Variants in CAMTA1 observed in about 807,000 individuals in gnomAD.
The protein encoded by CAMTA1 is calmodulin binding transcription activator 1, also known as calmodulin-binding transcription activator 1.
CAMTA1 carries 27 observed loss-of-function variants against 170.9 expected under a neutral mutation model. The ratio of observed to expected loss-of-function variants is 0.16; its 90% CI spans 0.12 to 0.22. CAMTA1 has a LOEUF of 0.22. Among genes scored for constraint, CAMTA1 ranks in the 10% least tolerant of loss-of-function variants. CAMTA1 has a pLI of 1.00. For synonymous variants in CAMTA1, 833 were observed against 891.5 expected (o/e 0.93, Z 1.17); for missense variants, 1,619 against 2,217.2 (o/e 0.73, Z 5.42).
rs1348547966 is a variant in CAMTA1 at position 7,010,232 on chromosome 1, G to C, written c.235-81072G>C. Among the ~76,000 whole-genome samples, 1 of 152,194 alleles carries C rather than the reference G, an allele frequency of 6.6e-6. No homozygotes were observed. Among genetic ancestry groups the C allele is most frequent in the African/African-American group, 2.4e-5 (1 of 41,452 alleles). ...CAGAGAAGACAGAGGACTTGACTGA[G>C]CTCATGGTCAGGGAGTGTCAGAACG... On this transcript the variant is annotated intron_variant, in intron 3 of 22. Coordinates refer to ENST00000303635, the MANE Select transcript of CAMTA1 (RefSeq NM_015215.4). The surrounding 1 kb of genome is among the most constrained non-coding windows in gnomAD (Gnocchi z 4.4).
intron 7 of CAMTA1, among the ~76,000 whole-genome samples, chr1:7,653,192 A>G (rs2095858589): frequency 6.6e-6 from 1 of 152,212 alleles, no homozygotes; most frequent in Non-Finnish European, 1.5e-5. Context: ...ACTGCTCCAC[A>G]GGAGAGTGTC....
At chr1:7,437,718 A>T (rs1474541334) in intron 5 of CAMTA1, among the ~76,000 whole-genome samples, 1 of 152,216 alleles carries the variant, frequency 6.6e-6, no homozygotes, top group Non-Finnish European at 1.5e-5. Context: ...AGAAGCCTGC[A>T]GCTTGGTGGG....
At chr1:7,150,099 C>T (rs539086228) in intron 4 of CAMTA1, among the ~76,000 whole-genome samples, 1 of 152,334 alleles carries the variant, frequency 6.6e-6, no homozygotes, top group African/African-American at 2.4e-5. Context: ...AGGAGAGTCC[C>T]TCAGTGATGC....
At chr1:6,913,946 G>A (rs887586027) in intron 3 of CAMTA1, among the ~76,000 whole-genome samples, 9 of 151,986 alleles carry the variant, frequency 5.9e-5, no homozygotes, top group African/African-American at 2.2e-4. Context: ...CCTGAGAAAG[G>A]AGTAAAGAGG....
chr1:7,718,227 C>G (rs1283834094), intron 11 of CAMTA1, among the ~76,000 whole-genome samples: 2 of 151,746 alleles, frequency 1.3e-5, no homozygotes, highest in South Asian at 4.2e-4. Context: ...GTTCCGTAAA[C>G]ACAGTGGGTG....
chr1:7,678,471 A>G (rs1576793611), intron 11 of CAMTA1, among the ~76,000 whole-genome samples: 2 of 152,178 alleles, frequency 1.3e-5, no homozygotes, highest in Admixed American at 6.5e-5. Flanking sequence ...AGCCTTGGCC[A>G]TGGGGGTCGG....
intron 3 of CAMTA1, among the ~76,000 whole-genome samples, chr1:7,000,997 C>T (rs140841548): frequency 2.4e-4 from 36 of 152,294 alleles, no homozygotes; most frequent in African/African-American, 8.2e-4. Flanking sequence ...AAAAACCCTA[C>T]CCTTTCTTTC....
At chr1:6,790,098 G>A (rs1198472479) in intron 1 of CAMTA1, among the ~76,000 whole-genome samples, 2 of 152,034 alleles carry the variant, frequency 1.3e-5, no homozygotes, top group Admixed American at 1.3e-4. Flanking sequence ...CAAAGTGCTG[G>A]GATTACAGGC....
In CAMTA1 at chr1:7,299,716, G is replaced by A. The variant is rs1674490117; in HGVS notation, c.438+50090G>A. On this transcript the variant is annotated intron_variant, in intron 5 of 22. Transcript: ENST00000303635. The surrounding 1 kb of genome is among the most constrained non-coding windows in gnomAD (Gnocchi z 4.7). ...TGCCCTGTACAAGCAGGGACTGTGG[G>A]TGAGAGGGTACAAGGAGGTGTTCCA... Among the ~76,000 whole-genome samples, 1 of 152,222 alleles carries A rather than the reference G, an allele frequency of 6.6e-6. No homozygotes were observed. Among genetic ancestry groups the A allele is most frequent in the African/African-American group, 2.4e-5 (1 of 41,456 alleles).
chr1:7,607,440 T>C (rs534408196), intron 6 of CAMTA1, among the ~76,000 whole-genome samples: 8 of 149,702 alleles, frequency 5.3e-5, no homozygotes, highest in African/African-American at 2.0e-4. Context: ...GATGGAATGA[T>C]AGGTGGGTGG....
At chr1:6,923,025 T>G (rs527643415) in intron 3 of CAMTA1, among the ~76,000 whole-genome samples, 1 of 152,166 alleles carries the variant, frequency 6.6e-6, no homozygotes, top group Non-Finnish European at 1.5e-5. Context: ...AAGTATCAAT[T>G]AAGCTGTTTT....
chr1:7,253,246 G>A (rs1206637617), intron 5 of CAMTA1, among the ~76,000 whole-genome samples: 1 of 152,200 alleles, frequency 6.6e-6, no homozygotes, highest in African/African-American at 2.4e-5. Flanking sequence ...AGAGCGAAGA[G>A]CTGGATGTGA....
At chr1:6,852,190 C>A (rs913626410) in intron 3 of CAMTA1, among the ~76,000 whole-genome samples, 14 of 152,098 alleles carry the variant, frequency 9.2e-5, no homozygotes, top group African/African-American at 3.1e-4. Context: ...TTATACCCTT[C>A]AAAAGTGAGG....
intron 5 of CAMTA1, among the ~76,000 whole-genome samples, chr1:7,329,784 A>G (rs970514301): frequency 6.6e-6 from 1 of 152,266 alleles, no homozygotes; most frequent in African/African-American, 2.4e-5. Context: ...TAAGGCTTGC[A>G]AAACTATCAC....
chr1:7,355,075 G>T (rs2084991684), intron 5 of CAMTA1, among the ~76,000 whole-genome samples: 1 of 151,972 alleles, frequency 6.6e-6, no homozygotes. Flanking sequence ...GCATGGTGGT[G>T]GGTGCCTGTA....
chr1:6,849,838 T>A (rs966353207), intron 3 of CAMTA1, among the ~76,000 whole-genome samples: 2 of 151,618 alleles, frequency 1.3e-5, no homozygotes, highest in African/African-American at 4.8e-5. Flanking sequence ...AGTTCAAGAC[T>A]GGCCTGGCCA....
intron 4 of CAMTA1, among the ~76,000 whole-genome samples, chr1:7,131,355 A>T (rs1483401117): frequency 1.3e-5 from 2 of 152,152 alleles, no homozygotes; most frequent in Admixed American, 1.3e-4. Context: ...TTTTGGCATC[A>T]TATTTAAGAA....
rs919957040 is a variant in CAMTA1 at position 6,906,658 on chromosome 1, G to C, written c.234+81448G>C. On this transcript the variant is annotated intron_variant, in intron 3 of 22. Transcript: ENST00000303635. ...TCAAAGGCAAATTGGAGCAACAGGA[G>C]CTTGGAACTTGGCTCAGAAATGTGT... 4.6e-5 allele frequency among the ~76,000 whole-genome samples: 7 copies of C among 152,192 alleles called. 1 individual carries two copies. The highest frequency in any genetic ancestry group is 1.7e-4 in the African/African-American group (7 of 41,456).
chr1:7,322,367 G>C (rs887643341), intron 5 of CAMTA1, among the ~76,000 whole-genome samples: 2 of 152,246 alleles, frequency 1.3e-5, no homozygotes, highest in African/African-American at 4.8e-5. Context: ...CAAAGGGAGA[G>C]ATGGTAAATG....
Sources: allele counts gnomAD v4.1 joint callset (sites outside exome capture counted in the v4.1 genomes callset), GRCh38; gene constraint gnomAD v4.1.1; non-coding constraint Gnocchi (gnomAD v3.1); transcripts MANE v1.5; gene names NCBI Gene and HGNC (gene_info 2026-07-23, HGNC 2026-07-21).